The following MASP1 variants were observed in gnomAD, a reference collection of about 807,000 sequenced individuals.
The protein encoded by MASP1 is MBL associated serine protease 1.
A neutral mutation model predicts 77.1 loss-of-function variants in MASP1; 59 were observed. The ratio of observed to expected loss-of-function variants is 0.77; its 90% CI spans 0.62 to 0.95. The LOEUF (loss-of-function observed/expected upper bound fraction) is 0.95. Ranked by LOEUF, MASP1 falls within the 40% of genes least tolerant of loss-of-function variation. The pLI, the probability that MASP1 is intolerant of heterozygous loss-of-function variation, is 0.00. For missense variants in MASP1, 885 were observed against 912.9 expected (o/e 0.97, Z 0.39); for synonymous variants, 362 against 354.5 (o/e 1.02, Z -0.24).
chr3:187,245,991 C>A (rs1714046630), intron 8 of MASP1, among the ~76,000 whole-genome samples: 1 of 152,198 alleles, frequency 6.6e-6, no homozygotes, highest in Non-Finnish European at 1.5e-5. Context: ...TAGCCCCCTC[C>A]CTGGCCTCAT....
At chr3:187,265,978 T>G (rs1288243750) in intron 2 of MASP1, among the ~76,000 whole-genome samples, 2 of 152,176 alleles carry the variant, frequency 1.3e-5, no homozygotes, top group Non-Finnish European at 2.9e-5. Flanking sequence ...TGGAGTTCTA[T>G]AAAGATCATT....
At chr3:187,255,868 A>G (rs577201920) in intron 5 of MASP1, among the ~76,000 whole-genome samples, 14 of 151,768 alleles carry the variant, frequency 9.2e-5, no homozygotes, top group Non-Finnish European at 1.8e-4. Flanking sequence ...CCATTTCCAC[A>G]GTTTAAATCA....
chr3:187,241,831 T>C, intron 9 of MASP1: 1 of 378,516 alleles, frequency 2.6e-6, no homozygotes, highest in Non-Finnish European at 5.0e-6. Context: ...AGTCCTTCTA[T>C]CAAACTCCCT....
chr3:187,235,283 T>C lies in MASP1; in HGVS notation c.*401A>G, dbSNP rs1231009933. 3.1e-6 allele frequency: 4 copies of C among 1,310,202 alleles called. No individual in the cohort carries two copies. Among genetic ancestry groups the C allele is most frequent in the Non-Finnish European group, 4.0e-6 (4 of 1,004,588 alleles). 81.2% of individuals were successfully genotyped at this position (1,310,202 alleles called of 1,614,324 possible). A position where few individuals can be genotyped will look rare whatever the true frequency, so the allele number is the denominator to read the frequency against. On this transcript the variant is annotated 3_prime_UTR_variant, in exon 11 of 11. Coordinates refer to ENST00000296280, the MANE Select transcript of MASP1 (RefSeq NM_139125.4). ...TTCAATGTTAGAAACCATTTTCTAA[T>C]AGTCAGGTCCAAGCTCAGTTATACC... is the stretch of plus-strand genomic sequence containing the variant.
At chr3:187,265,942 A>T (rs1715984051) in intron 2 of MASP1, among the ~76,000 whole-genome samples, 2 of 152,174 alleles carry the variant, frequency 1.3e-5, no homozygotes, top group African/African-American at 4.8e-5. Context: ...GTCCCGGTTA[A>T]TATTTGCATC....
At chr3:187,276,225 T>G (rs766141484) in intron 2 of MASP1, among the ~76,000 whole-genome samples, 1 of 152,176 alleles carries the variant, frequency 6.6e-6, no homozygotes, top group Admixed American at 6.5e-5. Flanking sequence ...TCTCAACTCA[T>G]GCAGAGCCCT....
chr3:187,220,421 T>C (rs1319905069), intron 15 of MASP1, among the ~76,000 whole-genome samples: 2 of 152,066 alleles, frequency 1.3e-5, no homozygotes, highest in African/African-American at 4.8e-5. Flanking sequence ...TCAGGCCGCA[T>C]CAGAGCTCAA....
At chr3:187,282,510 A>AAAAGAAG (rs144429912) in intron 2 of MASP1, among the ~76,000 whole-genome samples, 1 of 131,478 alleles carries the variant, frequency 7.6e-6, no homozygotes, top group South Asian at 2.6e-4. Flanking sequence ...AAAAAAAAAA[A>AAAAGAAG]AAGAAGAAGA....
intron 2 of MASP1, among the ~76,000 whole-genome samples, chr3:187,272,925 G>C (rs1716641059): frequency 6.6e-6 from 1 of 152,160 alleles, no homozygotes; most frequent in East Asian, 1.9e-4. Context: ...GTAAAATAGT[G>C]AAAATAATCC....
intron 2 of MASP1, among the ~76,000 whole-genome samples, chr3:187,264,132 C>T (rs1715827989): frequency 6.6e-6 from 1 of 152,206 alleles, no homozygotes; most frequent in Admixed American, 6.5e-5. Flanking sequence ...ACATTTGACA[C>T]TCCTGTTTTG....
At chr3:187,282,243 CTG>C (rs905444096) in intron 2 of MASP1, among the ~76,000 whole-genome samples, 7 of 152,118 alleles carry the variant, frequency 4.6e-5, no homozygotes, top group African/African-American at 1.7e-4. Context: ...TGGCTCACGT[CTG>C]TAACCCACTT....
chr3:187,258,761 C>G (rs1403245584), intron 4 of MASP1, among the ~76,000 whole-genome samples: 1 of 152,222 alleles, frequency 6.6e-6, no homozygotes, highest in African/African-American at 2.4e-5. Flanking sequence ...TGCCTTCAAA[C>G]AAGGCAAATA....
intron 14 of MASP1, among the ~76,000 whole-genome samples, chr3:187,221,721 C>T (rs928018995): frequency 2.6e-5 from 4 of 152,204 alleles, no homozygotes; most frequent in African/African-American, 9.6e-5. Flanking sequence ...TTATGTTGTC[C>T]TCCCTCTCTA....
At chr3:187,247,425 C>T (rs1714188839) in intron 8 of MASP1, 1 of 1,611,954 alleles carries the variant, frequency 6.2e-7, no homozygotes, top group Non-Finnish European at 8.5e-7. Flanking sequence ...TCAAGAGATA[C>T]AGAGGAAGGA....
intron 2 of MASP1, among the ~76,000 whole-genome samples, chr3:187,272,991 T>G (rs1716645012): frequency 6.6e-6 from 1 of 152,012 alleles, no homozygotes; most frequent in Admixed American, 6.6e-5. Flanking sequence ...CATAAAACAC[T>G]CAGAAAAGTG....
At chr3:187,257,653 G>A (rs1337510840) in intron 4 of MASP1, among the ~76,000 whole-genome samples, 1 of 152,204 alleles carries the variant, frequency 6.6e-6, no homozygotes, top group Non-Finnish European at 1.5e-5. Context: ...CCAAAGTGCT[G>A]AGATTACAGG....
rs1712941644 is a variant in MASP1 at position 187,234,226 on chromosome 3, G to A, written c.*1458C>T. 1 of 1,287,134 alleles carries A rather than the reference G, an allele frequency of 7.8e-7. No individual in the cohort carries two copies. 79.7% of individuals were successfully genotyped at this position (1,287,134 alleles called of 1,614,324 possible). A position where few individuals can be genotyped will look rare whatever the true frequency, so the allele number is the denominator to read the frequency against. Reference sequence around the variant, plus strand: ...ACATGTGCCATTCATAGACAAAGGAGTGTGTTTGATGAGCCGGTTGAGAAA... The same window carrying A: ...ACATGTGCCATTCATAGACAAAGGAATGTGTTTGATGAGCCGGTTGAGAAA... On this transcript the variant is annotated 3_prime_UTR_variant, in exon 11 of 11. Coordinates refer to ENST00000296280, the MANE Select transcript of MASP1 (RefSeq NM_139125.4).
intron 2 of MASP1, among the ~76,000 whole-genome samples, chr3:187,282,221 G>A (rs1439054974): frequency 6.6e-6 from 1 of 152,148 alleles, no homozygotes; most frequent in Non-Finnish European, 1.5e-5. Flanking sequence ...AGAAAATGTG[G>A]GCCGGGTGCA....
chr3:187,219,293 A>G (rs1216390149), exon 16 of MASP1: 4 of 152,350 alleles, frequency 2.6e-5, no homozygotes, highest in African/African-American at 9.7e-5. Context: ...GAGGACTTGC[A>G]TAGGGTCATA....
Sources: allele counts gnomAD v4.1 joint callset (sites outside exome capture counted in the v4.1 genomes callset), GRCh38; gene constraint gnomAD v4.1.1; transcripts MANE v1.5; gene names NCBI Gene and HGNC (gene_info 2026-07-23, HGNC 2026-07-21).